EPG5: variants seen among roughly 807,000 people sequenced by gnomAD.
EPG5 encodes ectopic P granules protein 5 homolog.
A neutral mutation model predicts 302.7 loss-of-function variants in EPG5; 159 were observed. That is an observed-to-expected ratio of 0.53 (90% CI 0.46 to 0.60). EPG5 has a LOEUF of 0.60. EPG5 is among the 20% of genes least tolerant of loss of function. The pLI is 0.00. For missense variants in EPG5, 2,896 were observed against 3,092.4 expected (o/e 0.94, Z 1.51); for synonymous variants, 1,158 against 1,136.8 (o/e 1.02, Z -0.37).
chr18:45,825,061 C>T, the EPG5 span, among the ~76,000 whole-genome samples: 1 of 150,004 alleles, frequency 6.7e-6, no homozygotes, highest in African/African-American at 2.4e-5. Context: ...GAGCAAACAT[C>T]TGTGTATCTG....
chr18:45,887,406 T>C (rs1167362355), intron 29 of EPG5, among the ~76,000 whole-genome samples: 1 of 152,166 alleles, frequency 6.6e-6, no homozygotes, highest in East Asian at 1.9e-4. Context: ...GAAGGGAATC[T>C]CAATCACACA....
chr18:45,828,413 A>ATCTGCTT, the EPG5 span, among the ~76,000 whole-genome samples: 2 of 151,824 alleles, frequency 1.3e-5, no homozygotes, highest in African/African-American at 2.4e-5. Flanking sequence ...CTCCCCCCAT[A>ATCTGCTT]TCTGCTTTTA....
At chr18:45,853,596 A>G (rs929642098) in intron 43 of EPG5, among the ~76,000 whole-genome samples, 1 of 152,194 alleles carries the variant, frequency 6.6e-6, no homozygotes, top group Non-Finnish European at 1.5e-5. Flanking sequence ...TACAGAAACC[A>G]CTGCACTAGA....
chr18:45,870,805 A>T (rs1344754904), intron 35 of EPG5, 63 bp from the exon 36 acceptor site: 1 of 983,286 alleles, frequency 1.0e-6, no homozygotes, highest in Non-Finnish European at 1.5e-6. Flanking sequence ...AAAAAAAAAA[A>T]GCAAATTTGA....
chr18:45,894,246 G>C (rs1431367722), intron 27 of EPG5, among the ~76,000 whole-genome samples: 1 of 152,062 alleles, frequency 6.6e-6, no homozygotes, highest in Non-Finnish European at 1.5e-5. Flanking sequence ...GATCACCTGA[G>C]GTCAGCAGTT....
At position 45,889,816 on chromosome 18, in the gene EPG5, T is replaced by C; in HGVS notation, c.4934A>G (p.His1645Arg). Residue 1645 changes from histidine (H) to arginine (R), a missense_variant, in exon 28 of 44, where the codon CAT (histidine) becomes CGT (arginine). His to Arg is a conservative substitution (Grantham distance 29). Coordinates refer to ENST00000282041, the MANE Select transcript of EPG5 (RefSeq NM_020964.3). ...PSLNIVEAAV[H>R]AENLITALVN... Reference sequence around the variant, plus strand: ...AACTTACGTGATCAAGTTTTCTGCATGTACAGCAGCTTCCACAATATTAAG... The same window carrying C: ...AACTTACGTGATCAAGTTTTCTGCACGTACAGCAGCTTCCACAATATTAAG... The C allele has an allele frequency of 6.2e-7, 1 of 1,604,708 alleles. No homozygotes were observed. Among genetic ancestry groups the C allele is most frequent in the East Asian group, 2.2e-5 (1 of 44,760 alleles).
the EPG5 span, chr18:45,838,048 G>GTAGA: frequency 9.4e-7 from 1 of 1,063,198 alleles, no homozygotes; most frequent in Non-Finnish European, 1.3e-6. Context: ...CACACCTGGG[G>GTAGA]GTAGTTTAGG....
chr18:45,937,235 T>TACACACAC (rs57593059), intron 10 of EPG5, among the ~76,000 whole-genome samples: 21 of 136,850 alleles, frequency 1.5e-4, no homozygotes, highest in Non-Finnish European at 2.7e-4. Context: ...TACATATATA[T>TACACACAC]ACACACACAC....
intron 7 of EPG5, among the ~76,000 whole-genome samples, chr18:45,945,142 T>G (rs2050758318): frequency 6.6e-6 from 1 of 152,074 alleles, no homozygotes; most frequent in South Asian, 2.1e-4. Flanking sequence ...TAAGGCAAAA[T>G]CATTCATAAT....
chr18:45,916,799 A>T (rs1030984123), intron 17 of EPG5: 16 of 353,180 alleles, frequency 4.5e-5, no homozygotes, highest in African/African-American at 3.3e-4. Context: ...CAGATCCACG[A>T]CACACAAACA....
chr18:45,916,604 G>C, intron 17 of EPG5, 22 bp from the exon 18 acceptor site: 1 of 1,574,732 alleles, frequency 6.4e-7, no homozygotes, highest in Non-Finnish European at 8.7e-7. Context: ...ACAGGAGGAC[G>C]CACTTTACCT....
rs1440942364 is a variant in EPG5 at position 45,955,193 on chromosome 18, T to A, written c.209A>T (p.Asp70Val). The change falls in exon 2 of 44, where the codon GAT becomes GTT. Residue 70 changes from aspartate to valine, a missense_variant. Around this residue, in one of 5 missense-constraint regions of EPG5, gnomAD observed 1,390 missense variants for 1,430.0 expected, o/e 0.97. Transcript: ENST00000282041. ...ACTCTCATTTTGTCCACTGGCATCA[T>A]CCTGGAGCTGGGAATCAGTTACCAC... ...LKVVTDSQLQ[D>V]DASGQNESEM... is the part of the protein sequence containing the mutation. 14 of 1,614,090 alleles carry A rather than the reference T, an allele frequency of 8.7e-6. No homozygotes were observed. Among genetic ancestry groups the A allele is most frequent in the Admixed American group, 3.3e-5 (2 of 59,998 alleles).
intron 10 of EPG5, 120 bp downstream of exon 10, chr18:45,939,480 G>A (rs1017580201): frequency 5.9e-6 from 6 of 1,008,752 alleles, no homozygotes; most frequent in African/African-American, 3.3e-5. Context: ...CCCTCAATAA[G>A]AAATAGATGA....
At chr18:45,856,448 T>G (rs1235115317) in intron 42 of EPG5, among the ~76,000 whole-genome samples, 1 of 152,222 alleles carries the variant, frequency 6.6e-6, no homozygotes, top group Non-Finnish European at 1.5e-5. Flanking sequence ...TTTGGAGTGA[T>G]GAAAATGTTC....
chr18:45,885,030 A>C (rs1485145222), intron 29 of EPG5, among the ~76,000 whole-genome samples: 1 of 152,172 alleles, frequency 6.6e-6, no homozygotes, highest in African/African-American at 2.4e-5. Flanking sequence ...TCTGATTTGG[A>C]CAAGTCACAC....
chr18:45,801,338 G>T, the EPG5 span, among the ~76,000 whole-genome samples: 1 of 152,100 alleles, frequency 6.6e-6, no homozygotes. Context: ...ATCCGGCCCT[G>T]TGTGTTTGTT....
At position 45,849,681 on chromosome 18, in the gene EPG5, T is replaced by C. The variant is rs1275791332; in HGVS notation, c.*2786A>G. 2.0e-5 allele frequency: 3 copies of C among 152,190 alleles called. No individual in the cohort carries two copies. The highest frequency in any genetic ancestry group is 4.4e-5 in the Non-Finnish European group (3 of 68,040). 9.4% of individuals were successfully genotyped at this position (152,190 alleles called of 1,614,324 possible). ...GGGTTTTCATTTTCTGGACTAGGCT[T>C]TCCCCAACCTCAAAGAAGTGAGAGA... On this transcript the variant is annotated 3_prime_UTR_variant, in exon 44 of 44. Transcript: ENST00000282041.
the EPG5 span, among the ~76,000 whole-genome samples, chr18:45,824,876 A>T: frequency 6.6e-6 from 1 of 152,030 alleles, no homozygotes; most frequent in Non-Finnish European, 1.5e-5. Context: ...CAAGCTGCTG[A>T]AGAAACGGGT....
At chr18:45,838,004 C>A in the EPG5 span, 1 of 1,319,912 alleles carries the variant, frequency 7.6e-7, no homozygotes, top group South Asian at 1.7e-5. Context: ...GGAAGGGCAA[C>A]GAGACCCAGC....
Sources: allele counts gnomAD v4.1 joint callset (sites outside exome capture counted in the v4.1 genomes callset), GRCh38; gene constraint gnomAD v4.1.1; regional missense constraint gnomAD v4.1.1; transcripts MANE v1.5; gene names NCBI Gene and HGNC (gene_info 2026-07-23, HGNC 2026-07-21).